Variants in C13orf42 observed in about 807,000 individuals in gnomAD.
The protein encoded by C13orf42 is chromosome 13 open reading frame 42.
At chr13:51,143,280 A>G (rs1160993284) in intron 1 of C13orf42, among the ~76,000 whole-genome samples, 2 of 152,174 alleles carry the variant, frequency 1.3e-5, no homozygotes, top group Non-Finnish European at 2.9e-5. Flanking sequence ...AGACTGAGGG[A>G]CTATGGGGGA....
At chr13:51,123,666 C>T (rs1220656917) in intron 1 of C13orf42, among the ~76,000 whole-genome samples, 1 of 152,200 alleles carries the variant, frequency 6.6e-6, no homozygotes, top group African/African-American at 2.4e-5. Flanking sequence ...TTCAATCTGC[C>T]TCTATCACCT....
intron 1 of C13orf42, among the ~76,000 whole-genome samples, chr13:51,122,395 A>G (rs920298296): frequency 6.6e-6 from 1 of 151,996 alleles, no homozygotes; most frequent in African/African-American, 2.4e-5. Context: ...CTAGCCAGGT[A>G]TCATGGTGCA....
intron 1 of C13orf42, among the ~76,000 whole-genome samples, chr13:51,120,160 CA>C (rs1462506485): frequency 6.6e-6 from 1 of 152,144 alleles, no homozygotes; most frequent in Admixed American, 6.5e-5. Context: ...CAGTAATAAT[CA>C]TGGTTAATAT....
upstream of C13orf42, among the ~76,000 whole-genome samples, chr13:51,111,597 T>G (rs961108445): frequency 6.6e-6 from 1 of 152,212 alleles, no homozygotes; most frequent in Non-Finnish European, 1.5e-5. Context: ...CTTTTCACTT[T>G]CCATCGCTGG....
intron 1 of C13orf42, among the ~76,000 whole-genome samples, chr13:51,105,814 C>T (rs184889974): frequency 4.8e-4 from 73 of 152,166 alleles, no homozygotes; most frequent in Middle Eastern, 3.4e-3. Context: ...GATCAAAATA[C>T]GTTTTCCAGT....
At chr13:51,086,510 G>C (rs945044895) in intron 2 of C13orf42, among the ~76,000 whole-genome samples, 12 of 150,850 alleles carry the variant, frequency 8.0e-5, no homozygotes, top group African/African-American at 2.5e-4. Flanking sequence ...GTGTGAGAGA[G>C]AGAGTGTGTG....
At position 51,170,891 on chromosome 13, in the gene C13orf42, C is replaced by G. The variant is rs1056946547; in HGVS notation, n.136+1362G>C. On this transcript the variant is annotated intron_variant and non_coding_transcript_variant, in intron 1 of 4. Transcript: ENST00000433280. ...ACCCCTCAATCCCTTCTCCTTCACC[C>G]TTAGTGGCAAGTCCCGCTTTCCTAG... Among the ~76,000 whole-genome samples the G allele has an allele frequency of 2.6e-5, 4 of 152,212 alleles. No homozygotes were observed. In the South Asian group the frequency reaches 8.3e-4, roughly 32 times the overall value.
chr13:51,089,395 C>T (rs1953160319), intron 1 of C13orf42, among the ~76,000 whole-genome samples: 1 of 152,082 alleles, frequency 6.6e-6, no homozygotes, highest in Non-Finnish European at 1.5e-5. Flanking sequence ...ATTGTAATCC[C>T]CACATGTCGA....
At chr13:51,167,256 C>A (rs1024921450) in intron 1 of C13orf42, among the ~76,000 whole-genome samples, 1 of 152,090 alleles carries the variant, frequency 6.6e-6, no homozygotes, top group Non-Finnish European at 1.5e-5. Flanking sequence ...CACACACACT[C>A]AAACACTCTC....
intron 1 of C13orf42, among the ~76,000 whole-genome samples, chr13:51,103,200 GT>G (rs1481545376): frequency 4.6e-5 from 7 of 152,160 alleles, no homozygotes. Context: ...CCTCTTCTCT[GT>G]GATCTAGTCA....
At chr13:51,129,770 T>C (rs1953602353) in intron 1 of C13orf42, among the ~76,000 whole-genome samples, 1 of 152,228 alleles carries the variant, frequency 6.6e-6, no homozygotes, top group Non-Finnish European at 1.5e-5. Flanking sequence ...TCTGTATTGT[T>C]CTGTCATAAA....
intron 1 of C13orf42, among the ~76,000 whole-genome samples, chr13:51,170,262 C>A (rs531031143): frequency 1.3e-5 from 2 of 152,290 alleles, no homozygotes; most frequent in African/African-American, 4.8e-5. Flanking sequence ...AATAAACAGC[C>A]ATGTTGCTCA....
chr13:51,083,341 T>C lies in C13orf42; in HGVS notation c.*810A>G, dbSNP rs919389973. ...TACCAAAAGAACGTAATGATTCTGA[T>C]TGTTCTCTTAACTGGGGAAAGGGAA... On this transcript the variant is annotated 3_prime_UTR_variant, in exon 4 of 4. Coordinates refer to ENST00000563710, the MANE Select transcript of C13orf42 (RefSeq NM_001351589.3). 2.0e-5 allele frequency: 3 copies of C among 152,246 alleles called. No homozygotes were observed. The highest frequency in any genetic ancestry group is 1.3e-4 in the Admixed American group (2 of 15,286). The allele number at this position is 152,246 out of a possible 1,614,324, so 9.4% of individuals were successfully genotyped here. A position where few individuals can be genotyped will look rare whatever the true frequency, so the allele number is the denominator to read the frequency against.
chr13:51,108,453 C>A lies in C13orf42; in HGVS notation c.414+2343G>T, dbSNP rs545598138. On this transcript the variant is annotated intron_variant, in intron 1 of 3. Transcript: ENST00000563710. ...TCCCGGCAATGCACAGAGACCCAGG[C>A]AGCCATGGGCCACCCCACCAGCCAT... Among the ~76,000 whole-genome samples the A allele has an allele frequency of 6.6e-4, 100 of 152,280 alleles. 1 individual carries two copies. The highest frequency in any genetic ancestry group is 2.3e-3 in the African/African-American group (96 of 41,550).
Position 51,084,332 on chromosome 13 carries a change from G to A in C13orf42, c.804-7C>T. 2.5e-6 allele frequency: 1 copy of A among 398,774 alleles called. No individual in the cohort carries two copies. Among genetic ancestry groups the A allele is most frequent in the Non-Finnish European group, 4.4e-6 (1 of 226,186 alleles). The allele number at this position is 398,774 out of a possible 1,614,324, so 24.7% of individuals were successfully genotyped here. ...CTGTCTGGAGCTCCCCAGGCTAGAA[G>A]GAAGGAATGAGGCAGGAGGTTTAAG... is the stretch of plus-strand genomic sequence containing the variant. On this transcript the variant is annotated splice_region_variant and splice_polypyrimidine_tract_variant and intron_variant, in intron 3 of 3. Transcript: ENST00000563710.
chr13:51,087,594 A>G (rs1248385034), intron 2 of C13orf42, among the ~76,000 whole-genome samples: 3 of 152,040 alleles, frequency 2.0e-5, no homozygotes, highest in African/African-American at 7.2e-5. Flanking sequence ...TCATTTCCCT[A>G]TTGCTGTCCT....
rs1040151375 is a variant in C13orf42 at position 51,136,817 on chromosome 13, C to T, written n.137-23595G>A. ...GCCAGAGGTGCTGAGGATGCATTCA[C>T]GCATTGGGTCATTCATCAGCAAAGA... On this transcript the variant is annotated intron_variant and non_coding_transcript_variant, in intron 1 of 4. Transcript: ENST00000433280. 2.6e-5 allele frequency among the ~76,000 whole-genome samples: 4 copies of T among 152,228 alleles called. 1 individual carries two copies. Among genetic ancestry groups the T allele is most frequent in the African/African-American group, 4.8e-5 (2 of 41,454 alleles).
intron 1 of C13orf42, among the ~76,000 whole-genome samples, chr13:51,139,253 T>C (rs538790044): frequency 6.6e-6 from 1 of 152,170 alleles, no homozygotes; most frequent in South Asian, 2.1e-4. Context: ...AGGCGGAGGT[T>C]GCAGTCAGCC....
chr13:51,147,727 T>TCAAAAAAAAAACAAA (rs1555268476), intron 1 of C13orf42, among the ~76,000 whole-genome samples: 12 of 149,858 alleles, frequency 8.0e-5, no homozygotes, highest in African/African-American at 2.2e-4. Flanking sequence ...AGACTGTGTC[T>TCAAAAAAAAAACAAA]CAAAAAAAAA....
Sources: gnomAD v4.1 joint callset for allele counts (sites outside exome capture counted in the v4.1 genomes callset) on GRCh38, gnomAD v4.1.1 for gene constraint, MANE v1.5 for transcripts, NCBI Gene and HGNC (gene_info 2026-07-23, HGNC 2026-07-21) for gene names.